NLGN1: variants seen among roughly 807,000 people sequenced by gnomAD.
NLGN1 encodes the protein neuroligin 1.
A neutral mutation model predicts 65.5 loss-of-function variants in NLGN1; 12 were observed. The ratio of observed to expected loss-of-function variants is 0.18; its 90% CI spans 0.12 to 0.30. The LOEUF (loss-of-function observed/expected upper bound fraction) is 0.30. Among genes scored for constraint, NLGN1 ranks in the 10% least tolerant of loss-of-function variants. The probability of loss-of-function intolerance (pLI) is 1.00; values close to 1 mark genes in which losing one functional copy is unlikely to be tolerated. For missense variants in NLGN1, 750 were observed against 1,007.1 expected, an observed-to-expected ratio of 0.74 and a Z score of 3.46; for synonymous variants, 350 against 359.5, an observed-to-expected ratio of 0.97 and a Z score of 0.30.
chr3:173,433,504 A>T (rs955264366), intron 1 of NLGN1, among the ~76,000 whole-genome samples: 4 of 152,332 alleles, frequency 2.6e-5, no homozygotes, highest in East Asian at 1.9e-4. Flanking sequence ...AGGAAAAAGA[A>T]GGAAAAGGGA....
At chr3:174,088,598 C>G (rs930469522) in intron 4 of NLGN1, among the ~76,000 whole-genome samples, 1 of 151,456 alleles carries the variant, frequency 6.6e-6, no homozygotes, top group African/African-American at 2.4e-5. Flanking sequence ...ACTAAAAATA[C>G]AAAAATTAGC....
At chr3:174,209,619 C>CTT (rs1184386254) in intron 4 of NLGN1, among the ~76,000 whole-genome samples, 14 of 97,292 alleles carry the variant, frequency 1.4e-4, no homozygotes, top group African/African-American at 6.5e-4. Context: ...ATCAACCTTT[C>CTT]TTTCTTTTTT....
intron 4 of NLGN1, among the ~76,000 whole-genome samples, chr3:174,165,614 G>A (rs79491426): frequency 0.036 from 5,468 of 152,076 alleles, 179 homozygotes; most frequent in African/African-American, 0.087. Flanking sequence ...ATTTTGTTGA[G>A]GATTTTCATG....
intron 4 of NLGN1, among the ~76,000 whole-genome samples, chr3:174,008,078 CTTTTGCTGGCTT>C (rs1422137730): frequency 3.9e-5 from 6 of 152,012 alleles, no homozygotes; most frequent in African/African-American, 1.4e-4. Context: ...TATCCATTAG[CTTTTGCTGGCTT>C]ATGCTGTGGT....
chr3:173,975,019 A>G (rs540269501), intron 4 of NLGN1, among the ~76,000 whole-genome samples: 4 of 152,186 alleles, frequency 2.6e-5, no homozygotes, highest in Admixed American at 2.0e-4. Flanking sequence ...AGGACACACC[A>G]GTCTAGAGAC....
At chr3:173,769,319 C>T (rs1401351813) in intron 3 of NLGN1, among the ~76,000 whole-genome samples, 1 of 152,164 alleles carries the variant, frequency 6.6e-6, no homozygotes, top group African/African-American at 2.4e-5. Flanking sequence ...GACAGTCCAT[C>T]CCTCATCTTC....
At position 173,807,772 on chromosome 3, in the gene NLGN1, G is replaced by A. The variant is rs764478844; in HGVS notation, c.586G>A (p.Val196Ile). 6 of 1,613,672 alleles carry A rather than the reference G, an allele frequency of 3.7e-6. No individual in the cohort carries two copies. In the African/African-American group the frequency reaches 4.0e-5, roughly 11 times the overall value. ...TACTGGAAATTTATATGATGGAAGT[G>A]TCTTGGCAAGTTATGGCAATGTGAT... Residue 196 changes from valine (V) to isoleucine (I), a missense_variant, in exon 4 of 7, where the codon GTC becomes ATC. Val to Ile is a conservative substitution (Grantham distance 29). Transcript: ENST00000457714.
chr3:173,601,242 C>T (rs986740563), intron 2 of NLGN1, among the ~76,000 whole-genome samples: 4 of 151,926 alleles, frequency 2.6e-5, no homozygotes, highest in Admixed American at 6.6e-5. Flanking sequence ...ATATTTCAAA[C>T]ATACAAAAGA....
At chr3:173,641,393 C>T (rs1757402328) in intron 3 of NLGN1, among the ~76,000 whole-genome samples, 2 of 152,078 alleles carry the variant, frequency 1.3e-5, no homozygotes, top group South Asian at 2.1e-4. Context: ...GGCTCACTGC[C>T]AAGCTATTCT....
chr3:173,587,498 A>G (rs1364151684), intron 2 of NLGN1, among the ~76,000 whole-genome samples: 1 of 152,206 alleles, frequency 6.6e-6, no homozygotes, highest in Non-Finnish European at 1.5e-5. Context: ...GCTCTCCCTA[A>G]TAGAGTGGAT....
At chr3:173,803,126 C>T (rs1227642646) in intron 3 of NLGN1, among the ~76,000 whole-genome samples, 1 of 152,070 alleles carries the variant, frequency 6.6e-6, no homozygotes, top group African/African-American at 2.4e-5. Context: ...CAGGCGTGAG[C>T]CACCAGGCCT....
intron 4 of NLGN1, among the ~76,000 whole-genome samples, chr3:174,248,676 G>T (rs979747281): frequency 2.0e-5 from 3 of 152,138 alleles, no homozygotes; most frequent in African/African-American, 4.8e-5. Flanking sequence ...CACGAGAATC[G>T]CTTGAACTTA....
At chr3:173,596,353 C>A (rs1156280344) in intron 2 of NLGN1, among the ~76,000 whole-genome samples, 1 of 152,146 alleles carries the variant, frequency 6.6e-6, no homozygotes, top group Non-Finnish European at 1.5e-5. Flanking sequence ...AGGTTCTGGG[C>A]AAAATTAAGA....
At position 173,935,593 on chromosome 3, in the gene NLGN1, TACAC is replaced by T. The variant is rs769538665; in HGVS notation, c.646+127788_646+127791del. Among the ~76,000 whole-genome samples, 132 of 142,794 alleles carry T rather than the reference TACAC, an allele frequency of 9.2e-4. No homozygotes were observed. The Middle Eastern group carries it at 0.014, about 15-fold the overall frequency. 93.7% of individuals were successfully genotyped at this position (142,794 alleles called of 152,430 possible). ...CCATTTGTCATGAGAATATACAGTC[TACAC>T]ACACACACACACACACACACACACA... is the stretch of plus-strand genomic sequence containing the variant. On this transcript the variant is annotated intron_variant, in intron 4 of 6. Transcript: ENST00000457714.
chr3:173,605,053 A>G, exon 3 of NLGN1: 1 of 1,612,998 alleles, frequency 6.2e-7, no homozygotes, highest in Non-Finnish European at 8.5e-7. Context: ...CAGAGCGAAG[A>G]CTGCCTATAT....
At chr3:174,031,986 T>C (rs950429092) in intron 4 of NLGN1, among the ~76,000 whole-genome samples, 6 of 151,792 alleles carry the variant, frequency 4.0e-5, no homozygotes, top group African/African-American at 1.2e-4. Flanking sequence ...CTTAGCATCA[T>C]AAGAAAGTTA....
At chr3:173,839,789 A>G (rs1389577109) in intron 4 of NLGN1, among the ~76,000 whole-genome samples, 1 of 152,158 alleles carries the variant, frequency 6.6e-6, no homozygotes, top group Admixed American at 6.5e-5. Flanking sequence ...TGCTTAAAGC[A>G]CTCAAACATT....
At chr3:173,734,783 CAGT>C (rs1773469848) in intron 3 of NLGN1, among the ~76,000 whole-genome samples, 1 of 151,994 alleles carries the variant, frequency 6.6e-6, no homozygotes. Context: ...TATTTTTCCT[CAGT>C]AGGAATTTTC....
chr3:173,679,806 A>G (rs1269729797), intron 3 of NLGN1, among the ~76,000 whole-genome samples: 1 of 152,152 alleles, frequency 6.6e-6, no homozygotes, highest in Non-Finnish European at 1.5e-5. Flanking sequence ...ATTGTTAACC[A>G]TGATAAACCT....
Sources: allele counts gnomAD v4.1 joint callset (sites outside exome capture counted in the v4.1 genomes callset), GRCh38; gene constraint gnomAD v4.1.1; transcripts MANE v1.5; gene names NCBI Gene and HGNC (gene_info 2026-07-23, HGNC 2026-07-21).